The following CNBD1 variants were observed in gnomAD, a reference collection of about 807,000 sequenced individuals.
CNBD1 encodes cyclic nucleotide binding domain containing 1.
CNBD1 carries 71 observed loss-of-function variants against 54.4 expected under a neutral mutation model. That is an observed-to-expected ratio of 1.30 (90% confidence interval 1.08 to 1.59). The LOEUF is 1.59. CNBD1 is among the 40% of genes most tolerant of loss of function. The probability of loss-of-function intolerance (pLI) is 0.00; values close to 1 mark genes in which losing one functional copy is unlikely to be tolerated. For synonymous variants in CNBD1, 182 were observed against 170.7 expected (o/e 1.07, Z -0.51); for missense variants, 659 against 518.0 (o/e 1.27, Z -2.64).
At chr8:87,280,826 A>C (rs1808586364) in intron 6 of CNBD1, among the ~76,000 whole-genome samples, 1 of 151,612 alleles carries the variant, frequency 6.6e-6, no homozygotes, top group East Asian at 1.9e-4. Flanking sequence ...ATGAGAATAC[A>C]TCATTTCTCA....
At chr8:86,952,055 A>C (rs1191971839) in intron 4 of CNBD1, among the ~76,000 whole-genome samples, 3 of 152,218 alleles carry the variant, frequency 2.0e-5, no homozygotes, top group Non-Finnish European at 4.4e-5. Flanking sequence ...AGGAATCAGA[A>C]ATTCAAAATA....
intron 1 of CNBD1, 58 bp from the exon 2 acceptor site, chr8:86,887,484 A>G (rs1808698103): frequency 9.4e-7 from 1 of 1,065,926 alleles, no homozygotes; most frequent in Non-Finnish European, 1.4e-6. Context: ...CTCTATTTAC[A>G]CACTTGCTTA....
intron 4 of CNBD1, among the ~76,000 whole-genome samples, chr8:87,006,096 C>G (rs773199253): frequency 6.6e-6 from 1 of 152,134 alleles, no homozygotes; most frequent in Non-Finnish European, 1.5e-5. Flanking sequence ...ATTCTACAGG[C>G]ACCATTTTGG....
At position 87,352,072 on chromosome 8, in the gene CNBD1, C is replaced by A. The variant is rs149385405; in HGVS notation, c.1152+278C>A. On this transcript the variant is annotated intron_variant, in intron 9 of 10. Transcript: ENST00000518476. The stretch of plus-strand genomic sequence containing the variant: ...AGAGAAATGCAAGTTAAAACCATAG[C>A]CAGGTACTACTACAAACATACCAGA... Among the ~76,000 whole-genome samples, 23 of 152,176 alleles carry A rather than the reference C, an allele frequency of 1.5e-4. No individual in the cohort carries two copies. The East Asian group carries it at 4.4e-3, about 29-fold the overall frequency.
Position 87,099,275 on chromosome 8 carries a change from G to A in CNBD1, c.432-106718G>A, listed in dbSNP as rs552221944. Among the ~76,000 whole-genome samples, 9 of 152,230 alleles carry A rather than the reference G, an allele frequency of 5.9e-5. No homozygotes were observed. The South Asian group carries it at 1.9e-3, about 32-fold the overall frequency. ...ACAGTGAGCAGGTAGGAGAGTGATAGCAAAAGAGCCTGAGATGTCACCAGA... is the reference window on the plus strand; with the variant it reads ...ACAGTGAGCAGGTAGGAGAGTGATAACAAAAGAGCCTGAGATGTCACCAGA... On this transcript the variant is annotated intron_variant, in intron 4 of 10. Coordinates refer to ENST00000518476, the MANE Select transcript of CNBD1 (RefSeq NM_173538.3).
intron 2 of CNBD1, among the ~76,000 whole-genome samples, chr8:87,399,124 C>A (rs975209267): frequency 1.3e-5 from 2 of 152,006 alleles, no homozygotes; most frequent in African/African-American, 4.8e-5. Context: ...ATTTTCATGT[C>A]TTAATTTCAG....
intron 8 of CNBD1, among the ~76,000 whole-genome samples, chr8:87,321,023 G>T (rs537769283): frequency 2.0e-5 from 3 of 152,064 alleles, no homozygotes; most frequent in Non-Finnish European, 4.4e-5. Flanking sequence ...CATCCATGTT[G>T]CAGAATATGA....
intron 2 of CNBD1, among the ~76,000 whole-genome samples, chr8:87,421,537 G>A (rs922319789): frequency 5.3e-5 from 8 of 149,734 alleles, no homozygotes; most frequent in African/African-American, 2.0e-4. Flanking sequence ...TTGGTTTTTT[G>A]TTCTTGCGAT....
intron 8 of CNBD1, among the ~76,000 whole-genome samples, chr8:87,293,721 A>G (rs763668089): frequency 9.2e-5 from 14 of 152,210 alleles, no homozygotes; most frequent in Non-Finnish European, 1.9e-4. Flanking sequence ...GATTTTCACT[A>G]TCTCATGGAC....
At chr8:86,962,795 A>AG (rs1034709003) in intron 4 of CNBD1, among the ~76,000 whole-genome samples, 1 of 145,808 alleles carries the variant, frequency 6.9e-6, no homozygotes, top group African/African-American at 2.5e-5. Flanking sequence ...CAAAAAAAAC[A>AG]CAAAAAACAA....
intron 4 of CNBD1, among the ~76,000 whole-genome samples, chr8:87,079,048 A>AT (rs35506402): frequency 0.23 from 34,537 of 148,654 alleles, 4,172 homozygotes; most frequent in Non-Finnish European, 0.29. Context: ...GAAACTACCA[A>AT]TTTTTTTTTT....
intron 6 of CNBD1, among the ~76,000 whole-genome samples, chr8:87,274,612 G>A (rs1585975438): frequency 7.2e-6 from 1 of 138,324 alleles, no homozygotes; most frequent in East Asian, 2.0e-4. Flanking sequence ...TTTTTGATGG[G>A]GTTGTTTGTT....
chr8:87,423,978 T>G (rs1338489367), intron 2 of CNBD1, among the ~76,000 whole-genome samples: 1 of 152,208 alleles, frequency 6.6e-6, no homozygotes, highest in Non-Finnish European at 1.5e-5. Context: ...TATTCAGAGA[T>G]TGAACTTCTT....
At chr8:87,172,402 G>A (rs1813107114) in intron 4 of CNBD1, among the ~76,000 whole-genome samples, 1 of 151,998 alleles carries the variant, frequency 6.6e-6, no homozygotes, top group Admixed American at 6.6e-5. Context: ...CTATAGTGCA[G>A]ACTAAACCCG....
intron 4 of CNBD1, among the ~76,000 whole-genome samples, chr8:87,132,675 A>C (rs1218092217): frequency 6.8e-6 from 1 of 147,614 alleles, no homozygotes; most frequent in African/African-American, 2.5e-5. Context: ...TATATATGAT[A>C]TATCTTATAT....
intron 4 of CNBD1, among the ~76,000 whole-genome samples, chr8:86,965,565 T>A (rs1250607132): frequency 1.3e-5 from 2 of 152,140 alleles, no homozygotes; most frequent in Non-Finnish European, 2.9e-5. Flanking sequence ...TTGGCTATTA[T>A]GGAGTTTAGA....
At chr8:87,228,838 G>T (rs1463784209) in intron 5 of CNBD1, among the ~76,000 whole-genome samples, 1 of 152,286 alleles carries the variant, frequency 6.6e-6, no homozygotes, top group East Asian at 1.9e-4. Context: ...CCCTCCTCCA[G>T]CCTCGCTGCT....
intron 8 of CNBD1, among the ~76,000 whole-genome samples, chr8:87,331,974 T>C (rs1809842837): frequency 6.6e-6 from 1 of 151,944 alleles, no homozygotes; most frequent in African/African-American, 2.4e-5. Context: ...ATTTGTCAAA[T>C]GGGTAGATTG....
chr8:86,970,718 A>T (rs113526862), intron 4 of CNBD1, among the ~76,000 whole-genome samples: 23 of 152,228 alleles, frequency 1.5e-4, no homozygotes, highest in African/African-American at 4.8e-4. Context: ...TTCATTTTCT[A>T]TTCCTGCCTT....
Sources: allele counts gnomAD v4.1 joint callset (sites outside exome capture counted in the v4.1 genomes callset), GRCh38; gene constraint gnomAD v4.1.1; transcripts MANE v1.5; gene names NCBI Gene and HGNC (gene_info 2026-07-23, HGNC 2026-07-21).